KPNA7: variants seen among roughly 807,000 people sequenced by gnomAD.
The protein encoded by KPNA7 is karyopherin subunit alpha 7.
Under a neutral mutation model 53.7 loss-of-function variants are expected in KPNA7, and 54 were observed. The observed-to-expected ratio is 1.01, with a 90% CI of 0.81 to 1.26. The LOEUF (loss-of-function observed/expected upper bound fraction) is 1.26, where lower values mean the gene tolerates loss of function less well. Ranked by LOEUF, KPNA7 falls within the 50% of genes most tolerant of loss-of-function variation. KPNA7 has a pLI of 0.00. For synonymous variants in KPNA7, 276 were observed against 259.3 expected (o/e 1.06, Z -0.62); for missense variants, 640 against 644.5 (o/e 0.99, Z 0.07).
At chr7:99,212,925 A>G (rs899969888), upstream of KPNA7, among the ~76,000 whole-genome samples, 3 of 151,956 alleles carry the variant, frequency 2.0e-5, no homozygotes, top group African/African-American at 7.2e-5. Context: ...AATCATTGCT[A>G]TTGATCACAG....
chr7:99,184,830 T>C, intron 8 of KPNA7, 99 bp downstream of exon 8: 2 of 987,228 alleles, frequency 2.0e-6, no homozygotes, highest in South Asian at 2.8e-5. Flanking sequence ...TGCTGTGATC[T>C]CAATTTGCTT....
At chr7:99,167,562 C>G in the KPNA7 span, among the ~76,000 whole-genome samples, 1 of 149,040 alleles carries the variant, frequency 6.7e-6, no homozygotes, top group Non-Finnish European at 1.5e-5. Context: ...AAGCAATTCT[C>G]CTGCCTCAGC....
intron 3 of KPNA7, among the ~76,000 whole-genome samples, chr7:99,197,020 A>C (rs558477620): frequency 2.2e-3 from 333 of 151,064 alleles, no homozygotes; most frequent in African/African-American, 5.0e-3. Context: ...ATATGCTTAA[A>C]AACAACAACA....
At chr7:99,218,604 C>T (rs1209133145) in intron 1 of KPNA7, among the ~76,000 whole-genome samples, 2 of 152,194 alleles carry the variant, frequency 1.3e-5, no homozygotes, top group Non-Finnish European at 2.9e-5. Flanking sequence ...GACCCCTGCA[C>T]CTACCACTTC....
At chr7:99,165,179 T>C in the KPNA7 span, among the ~76,000 whole-genome samples, 1 of 151,966 alleles carries the variant, frequency 6.6e-6, no homozygotes, top group African/African-American at 2.4e-5. Context: ...GCTCTGATCA[T>C]TGGGATCACT....
At chr7:99,178,832 G>C (rs1799032143) in intron 9 of KPNA7, among the ~76,000 whole-genome samples, 1 of 142,698 alleles carries the variant, frequency 7.0e-6, no homozygotes. Flanking sequence ...GCCCAGGCTG[G>C]AGTGCAGTGG....
At chr7:99,203,359 T>A in intron 2 of KPNA7, 119 bp from the exon 3 acceptor site, 1 of 983,554 alleles carries the variant, frequency 1.0e-6, no homozygotes, top group Non-Finnish European at 1.5e-6. Flanking sequence ...GCTGGAAAAG[T>A]TCAGATCACA....
chr7:99,182,596 A>G (rs948156028), intron 8 of KPNA7, among the ~76,000 whole-genome samples: 1 of 152,008 alleles, frequency 6.6e-6, no homozygotes, highest in Admixed American at 6.6e-5. Context: ...CGGCCTCCCA[A>G]AGTGTTGGGA....
intron 6 of KPNA7, among the ~76,000 whole-genome samples, chr7:99,189,272 T>TA (rs1789810649): frequency 6.6e-6 from 1 of 152,084 alleles, no homozygotes; most frequent in African/African-American, 2.4e-5. Context: ...CTGGATCCCA[T>TA]CCCTTTTGGC....
rs1405071235 is a variant in KPNA7, at chr7:99,188,525, A to G, written c.675T>C (p.Asn225=). The G allele has an allele frequency of 1.3e-6, 2 of 1,551,708 alleles. No individual in the cohort carries two copies. The highest frequency in any genetic ancestry group is 2.0e-5 in the Admixed American group (1 of 50,986). The change falls in exon 7 of 11, where the codon AAT becomes AAC. Residue 225 remains asparagine, a synonymous_variant. Coordinates refer to ENST00000327442, the MANE Select transcript of KPNA7 (RefSeq NM_001145715.3). ...FLRNITWTLS[N]LCRNKNPYPC... ...GGTATGGGTTCTTGTTTCGGCACAGATTCGACAAGGTCCACGTGATGTTCC... is the reference window on the plus strand; with the variant it reads ...GGTATGGGTTCTTGTTTCGGCACAGGTTCGACAAGGTCCACGTGATGTTCC...
chr7:99,173,026 C>A (rs1316862496), downstream of KPNA7, among the ~76,000 whole-genome samples: 3 of 136,890 alleles, frequency 2.2e-5, no homozygotes, highest in Non-Finnish European at 4.5e-5. Flanking sequence ...CACATCACTG[C>A]ACTCCAGCCT....
chr7:99,157,259 G>A, the KPNA7 span, among the ~76,000 whole-genome samples: 80 of 152,238 alleles, frequency 5.3e-4, no homozygotes, highest in African/African-American at 1.8e-3. Flanking sequence ...GCCCAGGCTG[G>A]AGTGCAATGG....
At chr7:99,155,149 C>G in the KPNA7 span, among the ~76,000 whole-genome samples, 5 of 152,150 alleles carry the variant, frequency 3.3e-5, no homozygotes, top group African/African-American at 1.2e-4. Context: ...GTGACTAACA[C>G]TTCCCTCTTC....
the KPNA7 span, among the ~76,000 whole-genome samples, chr7:99,146,094 GT>G: frequency 6.6e-6 from 1 of 151,928 alleles, no homozygotes; most frequent in Non-Finnish European, 1.5e-5. Context: ...TGCCAATCCC[GT>G]TAGTATTTCC....
chr7:99,168,466 T>C, the KPNA7 span, among the ~76,000 whole-genome samples: 3 of 152,134 alleles, frequency 2.0e-5, no homozygotes, highest in Non-Finnish European at 4.4e-5. Flanking sequence ...ATCCTGGCCC[T>C]GCTCTTACTT....
intron 6 of KPNA7, among the ~76,000 whole-genome samples, chr7:99,191,716 C>T (rs940637275): frequency 3.9e-5 from 6 of 152,100 alleles, no homozygotes; most frequent in Non-Finnish European, 7.3e-5. Flanking sequence ...GTGGCGCAAC[C>T]TTGGCTCACT....
intron 7 of KPNA7, among the ~76,000 whole-genome samples, chr7:99,187,799 TAAAAAAAAAAAAAAAAAAAAAAAAA>T (rs55867906): frequency 0.029 from 1,894 of 65,104 alleles, 57 homozygotes; most frequent in African/African-American, 0.12. Context: ...CCTTTTTTTT[TAAAAAAAAAAAAAAAAAAAAAAAAA>T]AAAAAAAAAA....
At chr7:99,197,905 GTATATT>G (rs1790311957) in intron 3 of KPNA7, among the ~76,000 whole-genome samples, 1 of 152,026 alleles carries the variant, frequency 6.6e-6, no homozygotes, top group East Asian at 1.9e-4. Flanking sequence ...GAGGCAGAAA[GTATATT>G]TAAAGAGATA....
intron 2 of KPNA7, among the ~76,000 whole-genome samples, chr7:99,203,696 TTATATA>T: frequency 6.6e-6 from 1 of 151,952 alleles, no homozygotes; most frequent in African/African-American, 2.4e-5. Flanking sequence ...TCCACTATAT[TTATATA>T]TATATTTATA....
Sources: allele counts gnomAD v4.1 joint callset (sites outside exome capture counted in the v4.1 genomes callset), GRCh38; gene constraint gnomAD v4.1.1; transcripts MANE v1.5; gene names NCBI Gene and HGNC (gene_info 2026-07-23, HGNC 2026-07-21).